PLXNB2: variants seen among roughly 807,000 people sequenced by gnomAD.
PLXNB2 encodes plexin B2, also known as plexin-B2.
PLXNB2 carries 85 observed loss-of-function variants against 202.6 expected under a neutral mutation model. That is an observed-to-expected ratio of 0.42 (90% confidence interval 0.35 to 0.50). PLXNB2 has a LOEUF of 0.50. Ranked by LOEUF, PLXNB2 falls within the 20% of genes least tolerant of loss-of-function variation. The probability of loss-of-function intolerance (pLI) is 0.02; values close to 1 mark genes in which losing one functional copy is unlikely to be tolerated. For missense variants in PLXNB2, 2,063 were observed against 2,586.2 expected, an observed-to-expected ratio of 0.80 and a Z score of 4.39; for synonymous variants, 1,239 against 1,137.6, an observed-to-expected ratio of 1.09 and a Z score of -1.79.
rs369732594 is a variant in PLXNB2 at position 50,283,407 on chromosome 22, G to A, written c.2609C>T (p.Thr870Met). Residue 870 changes from threonine to methionine, a missense_variant, in exon 16 of 37, where the codon ACG becomes ATG. Coordinates refer to ENST00000359337, the MANE Select transcript of PLXNB2 (RefSeq NM_012401.4). ...GAAGACGTCCACCTCGACACCCCCC[G>A]TGAAAGGCGTCTCCGCAGCCTCGAT... ...CVIEAAETPF[T>M]GGVEVDVFGK... is the part of the protein sequence containing the mutation. 6.8e-5 allele frequency: 109 copies of A among 1,613,036 alleles called. No individual in the cohort carries two copies. Among genetic ancestry groups the A allele is most frequent in the Non-Finnish European group, 8.7e-5 (103 of 1,179,918 alleles).
In PLXNB2 at chr22:50,297,133, G is replaced by T. The variant is rs1175974082; in HGVS notation, c.-73-2355C>A. On this transcript the variant is annotated intron_variant, in intron 1 of 36. Transcript: ENST00000359337. The surrounding 1 kb of genome is among the most constrained non-coding windows in gnomAD (Gnocchi z 5.3). ...AAAGCTGGGACCCGCGGGGACTGGA[G>T]ACTGCAGCTCCCGACGGAGGTGGCA... Among the ~76,000 whole-genome samples, 5 of 152,206 alleles carry T rather than the reference G, an allele frequency of 3.3e-5. No individual in the cohort carries two copies. In the East Asian group the frequency reaches 7.7e-4, roughly 23 times the overall value.
intron 33 of PLXNB2, among the ~76,000 whole-genome samples, chr22:50,277,180 A>G (rs28451513): frequency 0.016 from 2,482 of 152,188 alleles, 76 homozygotes; most frequent in African/African-American, 0.056. Flanking sequence ...ACATGCCTGT[A>G]GTCCCAGCTA....
At position 50,280,741 on chromosome 22, in the gene PLXNB2, C is replaced by T; in HGVS notation, c.3993+3G>A. The T allele has an allele frequency of 7.0e-7, 1 of 1,433,694 alleles. No individual in the cohort carries two copies. The allele number at this position is 1,433,694 out of a possible 1,614,324, so 88.8% of individuals were successfully genotyped here. A position where few individuals can be genotyped will look rare whatever the true frequency, so the allele number is the denominator to read the frequency against. On this transcript the variant is annotated splice_donor_region_variant and intron_variant, in intron 24 of 36. Transcript: ENST00000359337. ...CCTCCCGCCCGCCCGACGCCTGGCT[C>T]ACATTGATGAGGAAAGACTTGCTGT... is the stretch of plus-strand genomic sequence containing the variant.
chr22:50,278,777 GC>G (rs2065787091), intron 28 of PLXNB2, 77 bp downstream of exon 28: 1 of 1,588,784 alleles, frequency 6.3e-7, no homozygotes, highest in East Asian at 2.3e-5. Flanking sequence ...GAGAAAGCTG[GC>G]CAGGCAGGAT....
In PLXNB2 at chr22:50,281,171, G is replaced by C; in HGVS notation, c.3681C>G (p.Ala1227=). Residue 1227 remains alanine, a synonymous_variant, in exon 23 of 37, where the codon GCC becomes GCG. Transcript: ENST00000359337. ...ACTTGATCTTCTCATACTCTCGTTC[G>C]GCCTGCTGGCTCTTCCTCCTGCAAG... The part of the protein sequence containing the change: ...VYCYWRKSQQ[A]EREYEKIKSQ... The C allele has an allele frequency of 6.2e-7, 1 of 1,612,704 alleles. No homozygotes were observed. The highest frequency in any genetic ancestry group is 8.5e-7 in the Non-Finnish European group (1 of 1,179,780).
chr22:50,281,925 C>A lies in PLXNB2; in HGVS notation c.3274G>T (p.Val1092Leu), dbSNP rs770979139. The change falls in exon 20 of 37, where the codon GTG becomes TTG. Residue 1092 changes from valine (V) to leucine (L), a missense_variant. Physicochemically the swap from Val to Leu is conservative, Grantham distance 32 (BLOSUM62 1). This residue lies in a region of PLXNB2 where 760 missense variants were observed against 1,109.4 expected (regional missense o/e 0.69). Transcript: ENST00000359337. Reference protein sequence around the residue: ...LRTEAGAFEYVPDPTFENFTG... With the variant: ...LRTEAGAFEYLPDPTFENFTG... ...AAGTTCTCAAAGGTGGGGTCAGGCA[C>A]GTACTCGAAGGCCCCGGCCTCTGTT... The A allele has an allele frequency of 6.2e-7, 1 of 1,613,140 alleles. No homozygotes were observed. Among genetic ancestry groups the A allele is most frequent in the Non-Finnish European group, 8.5e-7 (1 of 1,179,992 alleles).
chr22:50,289,156 C>T lies in PLXNB2; in HGVS notation c.1069-14G>A, dbSNP rs774009716. Reference sequence around the variant, plus strand: ...CTTGCTGGAGCCCTGCGGACCACAGCGTGTCAATGGCAGGCAGACCCCCTG... The same window carrying T: ...CTTGCTGGAGCCCTGCGGACCACAGTGTGTCAATGGCAGGCAGACCCCCTG... On this transcript the variant is annotated splice_polypyrimidine_tract_variant and intron_variant, in intron 3 of 36. Coordinates refer to ENST00000359337, the MANE Select transcript of PLXNB2 (RefSeq NM_012401.4). This position sits in a 1 kb window ranked among gnomAD's most constrained non-coding sequence, Gnocchi z 8.0. 1.3e-5 allele frequency: 20 copies of T among 1,547,130 alleles called. No individual in the cohort carries two copies. Among genetic ancestry groups the T allele is most frequent in the South Asian group, 2.3e-5 (2 of 85,828 alleles).
In PLXNB2 at chr22:50,290,007, C is replaced by T. The variant is rs1017134736; in HGVS notation, c.578G>A (p.Ser193Asn). ...VSTRLLDRTDSREAFEAYTDH... is the reference protein window; with the variant it reads ...VSTRLLDRTDNREAFEAYTDH... ...CGTGTAGGCTTCAAAGGCCTCCCTG[C>T]TGTCAGTCCGGTCCAACAGCCGAGT... Residue 193 changes from serine (S) to asparagine (N), a missense_variant, in exon 3 of 37, where the codon AGC (serine) becomes AAC (asparagine). By Grantham distance (46) the Ser-to-Asn change is conservative. Coordinates refer to ENST00000359337, the MANE Select transcript of PLXNB2 (RefSeq NM_012401.4). 6.2e-7 allele frequency: 1 copy of T among 1,613,432 alleles called. No individual in the cohort carries two copies. Among genetic ancestry groups the T allele is most frequent in the Non-Finnish European group, 8.5e-7 (1 of 1,180,028 alleles).
chr22:50,283,711 T>C lies in PLXNB2; in HGVS notation c.2461A>G (p.Ile821Val). The C allele has an allele frequency of 1.9e-6, 3 of 1,612,950 alleles. No homozygotes were observed. The highest frequency in any genetic ancestry group is 2.5e-6 in the Non-Finnish European group (3 of 1,179,912). ...ETGPLGGGIR[I>V]TILGSNLGVQ... The stretch of plus-strand genomic sequence containing the variant: ...CCCAAATTGGACCCCAGGATGGTGA[T>C]GCGGATGCCCCCACCCAGGGGGCCC... Residue 821 changes from isoleucine to valine, a missense_variant, in exon 15 of 37, where the codon ATC becomes GTC. Transcript: ENST00000359337.
intron 1 of PLXNB2, among the ~76,000 whole-genome samples, chr22:50,295,376 C>G (rs1394014120): frequency 2.6e-5 from 4 of 151,152 alleles, no homozygotes; most frequent in African/African-American, 9.7e-5. Context: ...ATTTCACTTA[C>G]TAGCTGTGTG....
At position 50,286,109 on chromosome 22, in the gene PLXNB2, A is replaced by G. The variant is rs770963061; in HGVS notation, c.1878-11T>C. On this transcript the variant is annotated splice_polypyrimidine_tract_variant and intron_variant, in intron 9 of 36. Transcript: ENST00000359337. ...ACGCAGGAGATGCACCTGCATCCAG[A>G]GGGGATCGTGAGCAGGGCTGGGGTG... is the stretch of plus-strand genomic sequence containing the variant. 13 of 1,611,864 alleles carry G rather than the reference A, an allele frequency of 8.1e-6. No individual in the cohort carries two copies. Among genetic ancestry groups the G allele is most frequent in the Non-Finnish European group, 1.1e-5 (13 of 1,179,406 alleles).
At position 50,287,201 on chromosome 22, in the gene PLXNB2, C is replaced by A; in HGVS notation, c.1672G>T (p.Gly558Trp). ...SEEDELLCLFGESPPHPARVE... is the reference protein window; with the variant it reads ...SEEDELLCLFWESPPHPARVE... Reference sequence around the variant, plus strand: ...CGGGCGGGGTGTGGCGGCGACTCCCCAAAAAGGCACAGCAACTCGTCCTCC... The same window carrying A: ...CGGGCGGGGTGTGGCGGCGACTCCCAAAAAAGGCACAGCAACTCGTCCTCC... The change falls in exon 8 of 37, where the codon GGG (glycine) becomes TGG (tryptophan). Residue 558 changes from glycine to tryptophan, a missense_variant. This residue lies in a region of PLXNB2 where 1,303 missense variants were observed against 1,476.8 expected (regional missense o/e 0.88). Transcript: ENST00000359337. The A allele has an allele frequency of 6.5e-7, 1 of 1,549,514 alleles. No homozygotes were observed. Among genetic ancestry groups the A allele is most frequent in the South Asian group, 1.2e-5 (1 of 83,924 alleles).
At chr22:50,278,329 G>A (rs2065757664) in intron 30 of PLXNB2, 58 bp from the exon 31 acceptor site, 28 of 1,593,448 alleles carry the variant, frequency 1.8e-5, no homozygotes, top group Non-Finnish European at 2.3e-5. Context: ...GGGTCCCACA[G>A]GGAGCAGTGG....
At chr22:50,276,083 C>A in intron 35 of PLXNB2, 120 bp from the exon 36 acceptor site, 2 of 934,350 alleles carry the variant, frequency 2.1e-6, no homozygotes, top group South Asian at 2.8e-5. Context: ...GCCTTGGGCA[C>A]AGCTGGCACT....
intron 1 of PLXNB2, among the ~76,000 whole-genome samples, chr22:50,304,245 C>T (rs775312093): frequency 7.9e-5 from 12 of 152,222 alleles, no homozygotes; most frequent in Admixed American, 5.2e-4. Context: ...CCACCATCCC[C>T]GGCACCACTG....
intron 1 of PLXNB2, among the ~76,000 whole-genome samples, chr22:50,300,801 G>A (rs554854280): frequency 1.2e-4 from 18 of 152,278 alleles, no homozygotes; most frequent in African/African-American, 3.6e-4. Flanking sequence ...ACCAGCCCAG[G>A]ATCCTGGGGG....
In PLXNB2 at chr22:50,281,767, TGAGGAG is replaced by T. The variant is rs750045742; in HGVS notation, c.3346-31_3346-26del. ...CCTGGGGAGGCGGCAGTGGTCGGGG[TGAGGAG>T]GAGGGAACCAGGGACAGGTGGACCA... On this transcript the variant is annotated intron_variant, in intron 20 of 36. Transcript: ENST00000359337. The T allele has an allele frequency of 1.5e-5, 23 of 1,559,380 alleles. No homozygotes were observed. In the East Asian group the frequency reaches 5.2e-4, roughly 35 times the overall value.
intron 1 of PLXNB2, among the ~76,000 whole-genome samples, chr22:50,295,872 A>G (rs28494732): frequency 0.025 from 3,797 of 151,944 alleles, 152 homozygotes; most frequent in African/African-American, 0.086. Context: ...GGGAGGCTGA[A>G]GTGGGCGGAT....
chr22:50,295,205 C>T (rs2067171171), intron 1 of PLXNB2, among the ~76,000 whole-genome samples: 1 of 151,328 alleles, frequency 6.6e-6, no homozygotes, highest in Non-Finnish European at 1.5e-5. Context: ...GCTGTAGTCC[C>T]AGCTACTCGG....
Sources: gnomAD v4.1 joint callset for allele counts (sites outside exome capture counted in the v4.1 genomes callset) on GRCh38, gnomAD v4.1.1 for gene constraint, gnomAD v4.1.1 regional missense constraint, Gnocchi (gnomAD v3.1) non-coding constraint, MANE v1.5 for transcripts, NCBI Gene and HGNC (gene_info 2026-07-23, HGNC 2026-07-21) for gene names.